SLC4A4: variants seen among roughly 807,000 people sequenced by gnomAD.
SLC4A4 encodes solute carrier family 4 member 4, also known as electrogenic sodium bicarbonate cotransporter 1.
In SLC4A4, 27 loss-of-function variants were observed where a neutral mutation model predicts 111.5. The ratio of observed to expected loss-of-function variants is 0.24; its 90% confidence interval spans 0.18 to 0.33. The LOEUF is 0.33. SLC4A4 is among the 10% of genes least tolerant of loss of function. SLC4A4 has a pLI of 1.00. For synonymous variants in SLC4A4, 443 were observed against 463.4 expected (o/e 0.96, Z 0.57); for missense variants, 909 against 1,315.5 (o/e 0.69, Z 4.78).
chr4:71,261,060 A>T (rs987400954), intron 3 of SLC4A4, among the ~76,000 whole-genome samples: 2 of 152,132 alleles, frequency 1.3e-5, no homozygotes. Context: ...ACAAATTCTC[A>T]CTAGGCGTTC....
At chr4:71,112,300 G>A (rs990601079) in intron 2 of SLC4A4, among the ~76,000 whole-genome samples, 37 of 152,134 alleles carry the variant, frequency 2.4e-4, no homozygotes, top group African/African-American at 8.2e-4. Flanking sequence ...CTCTATTTGC[G>A]TCATAGGAGT....
chr4:71,074,341 T>C (rs1741751831), intron 1 of SLC4A4, among the ~76,000 whole-genome samples: 1 of 152,196 alleles, frequency 6.6e-6, no homozygotes, highest in African/African-American at 2.4e-5. Flanking sequence ...TGGCATCTAT[T>C]TTAAAGAAAA....
intron 14 of SLC4A4, among the ~76,000 whole-genome samples, chr4:71,485,944 G>T (rs1245351106): frequency 6.6e-6 from 1 of 151,460 alleles, no homozygotes; most frequent in Admixed American, 6.6e-5. Flanking sequence ...TCTAATGTCA[G>T]CTATCAAAAC....
At chr4:71,351,828 A>G (rs1482606942) in intron 5 of SLC4A4, among the ~76,000 whole-genome samples, 1 of 152,234 alleles carries the variant, frequency 6.6e-6, no homozygotes, top group Non-Finnish European at 1.5e-5. Flanking sequence ...CTAGGCCCTG[A>G]AATCAGGGTT....
At chr4:71,283,365 T>C (rs1284909939) in intron 3 of SLC4A4, among the ~76,000 whole-genome samples, 5 of 152,200 alleles carry the variant, frequency 3.3e-5, no homozygotes, top group African/African-American at 1.2e-4. Flanking sequence ...ATGTGGGCAT[T>C]CCTGACATTT....
chr4:71,458,035 CTG>C (rs1560526000), intron 12 of SLC4A4, among the ~76,000 whole-genome samples: 3 of 151,658 alleles, frequency 2.0e-5, no homozygotes, highest in Non-Finnish European at 4.4e-5. Context: ...TATTTTTGAT[CTG>C]CAGTTGGTTG....
chr4:71,223,156 G>A (rs1433423467), intron 1 of SLC4A4, among the ~76,000 whole-genome samples: 28 of 151,104 alleles, frequency 1.9e-4, no homozygotes, highest in Admixed American at 1.8e-3. Flanking sequence ...TTTTATTTTT[G>A]TTTTTGTTTT....
intron 2 of SLC4A4, among the ~76,000 whole-genome samples, chr4:71,180,051 A>G (rs966062648): frequency 1.3e-5 from 2 of 152,236 alleles, no homozygotes; most frequent in African/African-American, 4.8e-5. Flanking sequence ...AATGCTGCAT[A>G]TCTACCATCA....
intron 16 of SLC4A4, among the ~76,000 whole-genome samples, chr4:71,515,463 T>G (rs1732300468): frequency 6.6e-6 from 1 of 152,206 alleles, no homozygotes; most frequent in African/African-American, 2.4e-5. Flanking sequence ...TTAGGTAGAA[T>G]GTTCTGTAAA....
chr4:71,473,243 A>C, intron 14 of SLC4A4: 1 of 620,732 alleles, frequency 1.6e-6, no homozygotes, highest in Non-Finnish European at 2.9e-6. Context: ...CAAGGAATTC[A>C]TGTGTACATT....
intron 2 of SLC4A4, among the ~76,000 whole-genome samples, chr4:71,159,468 G>A (rs1474850774): frequency 1.3e-5 from 2 of 151,974 alleles, no homozygotes; most frequent in African/African-American, 4.8e-5. Flanking sequence ...CTGCCTCCTG[G>A]TTCTTGCACC....
chr4:71,398,504 C>T (rs911916542), intron 7 of SLC4A4, among the ~76,000 whole-genome samples: 6 of 151,762 alleles, frequency 4.0e-5, no homozygotes, highest in Admixed American at 2.6e-4. Flanking sequence ...TGCCCAGCTA[C>T]GTAAATATCT....
intron 2 of SLC4A4, among the ~76,000 whole-genome samples, chr4:71,250,797 A>T (rs1721012158): frequency 6.6e-6 from 1 of 152,222 alleles, no homozygotes; most frequent in African/African-American, 2.4e-5. Flanking sequence ...CAAAGTAGTG[A>T]TGAAGCACTG....
chr4:71,089,073 T>C (rs1012206899), intron 1 of SLC4A4, among the ~76,000 whole-genome samples: 1 of 152,098 alleles, frequency 6.6e-6, no homozygotes, highest in African/African-American at 2.4e-5. Flanking sequence ...TTTCACATAG[T>C]CCCATATTTC....
At chr4:71,156,583 C>CGCGCGT (rs1744476059) in intron 2 of SLC4A4, among the ~76,000 whole-genome samples, 3 of 92,068 alleles carry the variant, frequency 3.3e-5, no homozygotes. Context: ...TGCGCGCGCG[C>CGCGCGT]GCGCGCACAC....
chr4:71,229,413 G>A (rs1012635408), intron 1 of SLC4A4, among the ~76,000 whole-genome samples: 6 of 152,188 alleles, frequency 3.9e-5, no homozygotes, highest in Non-Finnish European at 5.9e-5. Context: ...TCTGGGATAA[G>A]TGCCCAAGAG....
chr4:71,322,633 A>G (rs1727203769), intron 3 of SLC4A4, among the ~76,000 whole-genome samples: 1 of 151,954 alleles, frequency 6.6e-6, no homozygotes, highest in African/African-American at 2.4e-5. Flanking sequence ...TGATGTGTTC[A>G]CTCTTAAGCA....
intron 2 of SLC4A4, among the ~76,000 whole-genome samples, chr4:71,161,829 C>G (rs938834864): frequency 6.6e-6 from 1 of 152,168 alleles, no homozygotes; most frequent in Non-Finnish European, 1.5e-5. Context: ...ATGATGCTGA[C>G]AGGGAACAAT....
At chr4:71,169,802 G>A (rs758119063) in intron 2 of SLC4A4, among the ~76,000 whole-genome samples, 9 of 152,100 alleles carry the variant, frequency 5.9e-5, no homozygotes, top group South Asian at 2.1e-4. Context: ...TGAACTTCCC[G>A]GATTCTAAAT....
Sources: gnomAD v4.1 joint callset for allele counts (sites outside exome capture counted in the v4.1 genomes callset) on GRCh38, gnomAD v4.1.1 for gene constraint, MANE v1.5 for transcripts, NCBI Gene and HGNC (gene_info 2026-07-23, HGNC 2026-07-21) for gene names.